MBD5: variants seen among roughly 807,000 people sequenced by gnomAD.
MBD5 encodes the protein methyl-CpG binding domain protein 5.
A neutral mutation model predicts 117.3 loss-of-function variants in MBD5; 13 were observed. That is an observed-to-expected ratio of 0.11 (90% CI 0.07 to 0.18). MBD5 has a LOEUF of 0.18. Ranked by LOEUF, MBD5 falls within the 10% of genes least tolerant of loss-of-function variation. The pLI, the probability that MBD5 is intolerant of heterozygous loss-of-function variation, is 1.00. For missense variants in MBD5, 1,879 were observed against 2,093.8 expected, an observed-to-expected ratio of 0.90 and a Z score of 2.00; for synonymous variants, 727 against 766.4, an observed-to-expected ratio of 0.95 and a Z score of 0.85.
chr2:148,277,212 C>G (rs1173591434), intron 3 of MBD5, among the ~76,000 whole-genome samples: 2 of 152,058 alleles, frequency 1.3e-5, no homozygotes, highest in Non-Finnish European at 2.9e-5. Flanking sequence ...ATGGAAAGTT[C>G]AAAGCCTTGA....
intron 1 of MBD5, among the ~76,000 whole-genome samples, chr2:148,148,426 A>C (rs910999826): frequency 1.3e-5 from 2 of 152,204 alleles, no homozygotes; most frequent in African/African-American, 4.8e-5. Context: ...TTCGCTCTTC[A>C]TATGGAAATT....
At chr2:148,511,937 A>G (rs1682226017) in intron 13 of MBD5, among the ~76,000 whole-genome samples, 1 of 152,220 alleles carries the variant, frequency 6.6e-6, no homozygotes. Context: ...GTGGATCCGG[A>G]GAGGCGATTG....
intron 3 of MBD5, among the ~76,000 whole-genome samples, chr2:148,337,011 A>G (rs1702814035): frequency 6.6e-6 from 1 of 152,184 alleles, no homozygotes; most frequent in Non-Finnish European, 1.5e-5. Context: ...CACCCCTCGC[A>G]TGATGGAAGC....
rs187271209 is a variant in MBD5, at chr2:148,057,610, A to G, written c.-925+35926A>G. Among the ~76,000 whole-genome samples the G allele has an allele frequency of 9.2e-5, 14 of 152,058 alleles. No homozygotes were observed. The East Asian group carries it at 2.7e-3, about 29-fold the overall frequency. On this transcript the variant is annotated intron_variant, in intron 1 of 13. Coordinates refer to ENST00000642680, the MANE Select transcript of MBD5 (RefSeq NM_001378120.1). ...TTGTTACTTAATTAGTAGAAAGATT[A>G]TAATTCTTAGAAACCCATACTGCAA...
intron 4 of MBD5, among the ~76,000 whole-genome samples, chr2:148,426,360 A>C (rs191759773): frequency 0.032 from 4,914 of 152,176 alleles, 230 homozygotes; most frequent in African/African-American, 0.11. Context: ...CCTAAGCCAA[A>C]AGAACAAAGC....
chr2:148,051,167 T>C (rs1231503626), intron 1 of MBD5, among the ~76,000 whole-genome samples: 2 of 152,190 alleles, frequency 1.3e-5, no homozygotes, highest in African/African-American at 4.8e-5. Flanking sequence ...AAGTATTTTA[T>C]TCCATTTAAT....
At chr2:148,282,041 G>A (rs1306771154) in intron 3 of MBD5, among the ~76,000 whole-genome samples, 5 of 152,064 alleles carry the variant, frequency 3.3e-5, no homozygotes, top group Non-Finnish European at 1.5e-5. Flanking sequence ...TTTATTTTTA[G>A]TACAGCAGTA....
chr2:148,425,258 C>T (rs1209567156), intron 4 of MBD5, among the ~76,000 whole-genome samples: 1 of 152,148 alleles, frequency 6.6e-6, no homozygotes, highest in Non-Finnish European at 1.5e-5. Flanking sequence ...CTATAAACAC[C>T]TCTAAGCAAA....
intron 3 of MBD5, among the ~76,000 whole-genome samples, chr2:148,298,472 G>A (rs1016801777): frequency 1.3e-5 from 2 of 152,182 alleles, no homozygotes; most frequent in African/African-American, 4.8e-5. Context: ...TTAGTAAATT[G>A]TCTTGCACAA....
In MBD5 at chr2:148,319,776, A is replaced by G. The variant is rs537654931; in HGVS notation, c.-679-22438A>G. Reference sequence around the variant, plus strand: ...ATGTTTCCTGATTGCTGTGGCAAGGACTTCCGGTACTGTGTGGAATAAGAA... The same window carrying G: ...ATGTTTCCTGATTGCTGTGGCAAGGGCTTCCGGTACTGTGTGGAATAAGAA... On this transcript the variant is annotated intron_variant, in intron 3 of 13. Transcript: ENST00000642680. Among the ~76,000 whole-genome samples, 3 of 152,308 alleles carry G rather than the reference A, an allele frequency of 2.0e-5. No individual in the cohort carries two copies. The South Asian group carries it at 6.2e-4, about 32-fold the overall frequency.
intron 11 of MBD5, among the ~76,000 whole-genome samples, chr2:148,500,343 G>A (rs1304090475): frequency 6.6e-6 from 1 of 151,912 alleles, no homozygotes; most frequent in South Asian, 2.1e-4. Context: ...AATGTATATT[G>A]GAGTTGGTAT....
At chr2:148,460,873 G>A (rs1707048982) in intron 5 of MBD5, among the ~76,000 whole-genome samples, 2 of 152,044 alleles carry the variant, frequency 1.3e-5, no homozygotes, top group Non-Finnish European at 2.9e-5. Context: ...AAAATGTTGG[G>A]CAGTTCCTTT....
intron 1 of MBD5, among the ~76,000 whole-genome samples, chr2:148,143,938 C>A (rs1697379955): frequency 6.6e-6 from 1 of 151,986 alleles, no homozygotes; most frequent in Admixed American, 6.6e-5. Context: ...TTCATAGCAG[C>A]ATGATTTATA....
chr2:148,075,439 G>T (rs74744604), intron 1 of MBD5, among the ~76,000 whole-genome samples: 3,550 of 152,272 alleles, frequency 0.023, 63 homozygotes, highest in Middle Eastern at 0.051. Flanking sequence ...TTTTCCTAAA[G>T]AAGTCATAGC....
At chr2:148,327,227 C>A (rs992976667) in intron 3 of MBD5, among the ~76,000 whole-genome samples, 1 of 152,010 alleles carries the variant, frequency 6.6e-6, no homozygotes, top group Admixed American at 6.5e-5. Flanking sequence ...TATGGGCTTC[C>A]CTTTGAGGGT....
At chr2:148,318,918 G>C (rs573019590) in intron 3 of MBD5, among the ~76,000 whole-genome samples, 2 of 152,246 alleles carry the variant, frequency 1.3e-5, no homozygotes, top group South Asian at 2.1e-4. Flanking sequence ...GTTTCACTGT[G>C]TTGGCCAGGG....
intron 1 of MBD5, among the ~76,000 whole-genome samples, chr2:148,079,421 G>A (rs921204262): frequency 6.6e-6 from 1 of 152,132 alleles, no homozygotes; most frequent in African/African-American, 2.4e-5. Context: ...AGAAAGTGAA[G>A]CTTCATATAA....
At chr2:148,255,598 C>T (rs912951854) in intron 3 of MBD5, among the ~76,000 whole-genome samples, 1 of 152,176 alleles carries the variant, frequency 6.6e-6, no homozygotes, top group Non-Finnish European at 1.5e-5. Context: ...CATCGCCATA[C>T]CTGGTTGGAG....
At chr2:148,425,607 C>T (rs1705754064) in intron 4 of MBD5, among the ~76,000 whole-genome samples, 1 of 152,206 alleles carries the variant, frequency 6.6e-6, no homozygotes, top group Non-Finnish European at 1.5e-5. Context: ...AGGCCAATAT[C>T]CCTGATGAAC....
Sources: allele counts gnomAD v4.1 joint callset (sites outside exome capture counted in the v4.1 genomes callset), GRCh38; gene constraint gnomAD v4.1.1; transcripts MANE v1.5; gene names NCBI Gene and HGNC (gene_info 2026-07-23, HGNC 2026-07-21).